Variants in NRG3 observed in about 807,000 individuals in gnomAD.
NRG3 encodes the protein pro-neuregulin-3, membrane-bound isoform.
A neutral mutation model predicts 66.9 loss-of-function variants in NRG3; 31 were observed. The observed-to-expected ratio is 0.46, with a 90% CI of 0.35 to 0.63. The LOEUF is 0.63. Ranked by LOEUF, NRG3 falls within the 20% of genes least tolerant of loss-of-function variation. The probability of loss-of-function intolerance (pLI) is 0.00; values close to 1 mark genes in which losing one functional copy is unlikely to be tolerated. For missense variants in NRG3, 910 were observed against 878.9 expected (o/e 1.04, Z -0.45); for synonymous variants, 393 against 359.4 (o/e 1.09, Z -1.06).
chr10:81,990,428 G>C lies in NRG3; in HGVS notation c.823+114265G>C, dbSNP rs982007008. Among the ~76,000 whole-genome samples the C allele has an allele frequency of 6.8e-4, 104 of 152,050 alleles. 1 individual carries two copies. The highest frequency in any genetic ancestry group is 2.9e-5 in the Non-Finnish European group (2 of 67,966). ...TTTATGTGAGAAAACTGGTTTCATT[G>C]TTCTTTAGATTACTTATCCTCTTGT... On this transcript the variant is annotated intron_variant, in intron 1 of 8. Coordinates refer to ENST00000372141, the MANE Select transcript of NRG3 (RefSeq NM_001010848.4).
At chr10:81,988,648 C>T (rs1001100102) in intron 1 of NRG3, among the ~76,000 whole-genome samples, 1 of 151,794 alleles carries the variant, frequency 6.6e-6, no homozygotes, top group African/African-American at 2.4e-5. Context: ...TATAATGGGC[C>T]CTGAGTTAGT....
At chr10:82,598,137 G>A (rs765707119) in intron 2 of NRG3, among the ~76,000 whole-genome samples, 7 of 152,010 alleles carry the variant, frequency 4.6e-5, no homozygotes, top group Non-Finnish European at 1.0e-4. Context: ...GAACAACCTA[G>A]CAGAGTTTTT....
In NRG3 at chr10:82,980,055, A is replaced by T. The variant is rs112988956; in HGVS notation, c.1583+935A>T. On this transcript the variant is annotated intron_variant, in intron 8 of 8. Transcript: ENST00000372141. ...CCCATCTCTAACAAAAATACAAAAAATTAGCTGGGCATGGTAGTGTGTGCC... is the reference window on the plus strand; with the variant it reads ...CCCATCTCTAACAAAAATACAAAAATTTAGCTGGGCATGGTAGTGTGTGCC... Among the ~76,000 whole-genome samples the T allele has an allele frequency of 1.4e-3, 220 of 152,128 alleles. 1 individual carries two copies. Among genetic ancestry groups the T allele is most frequent in the African/African-American group, 5.1e-3 (211 of 41,504 alleles).
At chr10:82,746,034 G>T (rs1277924326) in intron 3 of NRG3, among the ~76,000 whole-genome samples, 1 of 152,208 alleles carries the variant, frequency 6.6e-6, no homozygotes, top group East Asian at 1.9e-4. Context: ...GACTACAAAT[G>T]CCTGCCACCA....
chr10:81,984,720 T>C (rs2060458600), intron 1 of NRG3, among the ~76,000 whole-genome samples: 1 of 152,214 alleles, frequency 6.6e-6, no homozygotes, highest in South Asian at 2.1e-4. Flanking sequence ...ATATATTTTC[T>C]TGAAAAATCC....
chr10:82,706,656 T>C (rs1388859524), intron 2 of NRG3, among the ~76,000 whole-genome samples: 1 of 152,216 alleles, frequency 6.6e-6, no homozygotes, highest in Non-Finnish European at 1.5e-5. Flanking sequence ...ATATCAAGTT[T>C]ATTATTTTTG....
intron 2 of NRG3, among the ~76,000 whole-genome samples, chr10:82,386,123 C>T (rs2085969832): frequency 6.6e-6 from 1 of 152,052 alleles, no homozygotes; most frequent in African/African-American, 2.4e-5. Flanking sequence ...CCTCATTATT[C>T]TACCCTCTCT....
At chr10:82,582,331 G>A (rs886622377) in intron 2 of NRG3, among the ~76,000 whole-genome samples, 2 of 152,076 alleles carry the variant, frequency 1.3e-5, no homozygotes, top group Non-Finnish European at 2.9e-5. Flanking sequence ...TTTGGGAGAT[G>A]TCAGAATATA....
At position 81,878,195 on chromosome 10, in the gene NRG3, A is replaced by G. The variant is rs115225373; in HGVS notation, c.823+2032A>G. 1.0e-3 allele frequency: 1,093 copies of G among 1,090,698 alleles called. 12 individuals carry two copies. In the African/African-American group the frequency reaches 0.016, roughly 16 times the overall value. The allele number at this position is 1,090,698 out of a possible 1,614,324, so 67.6% of individuals were successfully genotyped here. A position where few individuals can be genotyped will look rare whatever the true frequency, so the allele number is the denominator to read the frequency against. On this transcript the variant is annotated intron_variant, in intron 1 of 8. Transcript: ENST00000372141. ...GATTATTGACAGGGCCCTCAGCCCC[A>G]AGGAAAAGAGGGGAAAAATCTGTAA...
intron 1 of NRG3, among the ~76,000 whole-genome samples, chr10:82,002,259 G>A (rs2061199143): frequency 6.6e-6 from 1 of 152,070 alleles, no homozygotes; most frequent in African/African-American, 2.4e-5. Flanking sequence ...CTGAGTCCCA[G>A]GACACCTCAA....
intron 2 of NRG3, among the ~76,000 whole-genome samples, chr10:82,715,226 C>G (rs1351983588): frequency 6.6e-6 from 1 of 152,134 alleles, no homozygotes; most frequent in Non-Finnish European, 1.5e-5. Flanking sequence ...AAAACCCCAT[C>G]GCTACCAAAA....
At chr10:82,347,453 C>A (rs2135460496) in intron 1 of NRG3, among the ~76,000 whole-genome samples, 1 of 152,000 alleles carries the variant, frequency 6.6e-6, no homozygotes, top group South Asian at 2.1e-4. Flanking sequence ...AATCTCTGTT[C>A]TTTTACATTT....
chr10:82,674,039 C>T lies in NRG3; in HGVS notation c.954-64538C>T, dbSNP rs1017789679. 3.3e-5 allele frequency among the ~76,000 whole-genome samples: 5 copies of T among 152,074 alleles called. No individual in the cohort carries two copies. In the East Asian group the frequency reaches 9.7e-4, roughly 30 times the overall value. ...TGTTGCTGGGCAACGTCAGGGTAGC[C>T]ATATGATTTCTTGTACAAATGAGGG... On this transcript the variant is annotated intron_variant, in intron 2 of 8. Transcript: ENST00000372141.
rs188100233 is a variant in NRG3 at position 82,399,608 on chromosome 10, G to A, written c.953+40740G>A. 5.3e-5 allele frequency among the ~76,000 whole-genome samples: 8 copies of A among 152,240 alleles called. No homozygotes were observed. In the East Asian group the frequency reaches 1.5e-3, roughly 29 times the overall value. ...GCCAACTTCTAGTTGTGTCTTCACT[G>A]GGCAGAAAGATAAATGTCTAAATCC... On this transcript the variant is annotated intron_variant, in intron 2 of 8. Coordinates refer to ENST00000372141, the MANE Select transcript of NRG3 (RefSeq NM_001010848.4).
chr10:82,910,874 G>T (rs1845249463), intron 4 of NRG3, among the ~76,000 whole-genome samples: 1 of 152,182 alleles, frequency 6.6e-6, no homozygotes, highest in African/African-American at 2.4e-5. Flanking sequence ...ATATGCTGTT[G>T]CCAACACTTG....
chr10:82,403,449 A>T (rs2087265511), intron 2 of NRG3, among the ~76,000 whole-genome samples: 1 of 152,202 alleles, frequency 6.6e-6, no homozygotes, highest in Non-Finnish European at 1.5e-5. Context: ...AATTAACAAT[A>T]TTCCACTATA....
At chr10:82,029,082 G>C (rs143118609) in intron 1 of NRG3, among the ~76,000 whole-genome samples, 1 of 151,936 alleles carries the variant, frequency 6.6e-6, no homozygotes, top group Non-Finnish European at 1.5e-5. Flanking sequence ...GGTCGTGGGC[G>C]CTTGTAATCC....
At chr10:81,984,541 A>C (rs1487454307) in intron 1 of NRG3, among the ~76,000 whole-genome samples, 1 of 152,154 alleles carries the variant, frequency 6.6e-6, no homozygotes, top group East Asian at 1.9e-4. Context: ...CATAAAAGCC[A>C]AATACGAACT....
intron 2 of NRG3, among the ~76,000 whole-genome samples, chr10:82,676,945 C>T (rs2053735382): frequency 6.6e-6 from 1 of 151,806 alleles, no homozygotes; most frequent in African/African-American, 2.4e-5. Context: ...TCTTAGTTTT[C>T]TTAGATATCT....
Sources: allele counts gnomAD v4.1 joint callset (sites outside exome capture counted in the v4.1 genomes callset), GRCh38; gene constraint gnomAD v4.1.1; transcripts MANE v1.5; gene names NCBI Gene and HGNC (gene_info 2026-07-23, HGNC 2026-07-21).